PALM2AKAP2: variants seen among roughly 807,000 people sequenced by gnomAD.
PALM2AKAP2 encodes PALM2-AKAP2 fusion protein.
Under a neutral mutation model 71.5 loss-of-function variants are expected in PALM2AKAP2, and 37 were observed. The ratio of observed to expected loss-of-function variants is 0.52; its 90% CI spans 0.40 to 0.68. The LOEUF (loss-of-function observed/expected upper bound fraction) is 0.68, where lower values mean the gene tolerates loss of function less well. Ranked by LOEUF, PALM2AKAP2 falls within the 30% of genes least tolerant of loss-of-function variation. The pLI, the probability that PALM2AKAP2 is intolerant of heterozygous loss-of-function variation, is 0.00. For synonymous variants in PALM2AKAP2, 468 were observed against 478.8 expected, an observed-to-expected ratio of 0.98 and a Z score of 0.29; for missense variants, 1,224 against 1,191.8, an observed-to-expected ratio of 1.03 and a Z score of -0.40.
intron 1 of PALM2AKAP2, among the ~76,000 whole-genome samples, chr9:109,653,171 T>G (rs1272335961): frequency 6.6e-6 from 1 of 152,208 alleles, no homozygotes; most frequent in African/African-American, 2.4e-5. Context: ...GGAGAATGCC[T>G]GCCCCCTTGA....
intron 2 of PALM2AKAP2, among the ~76,000 whole-genome samples, chr9:109,874,964 C>T (rs1027151374): frequency 2.0e-5 from 3 of 152,212 alleles, no homozygotes; most frequent in Non-Finnish European, 4.4e-5. Flanking sequence ...AATAAACTCC[C>T]ATCACTTGTA....
chr9:109,929,863 CAAAAAAAAAAAAAA>C (rs58029417), intron 5 of PALM2AKAP2, among the ~76,000 whole-genome samples: 4 of 69,418 alleles, frequency 5.8e-5, no homozygotes, highest in African/African-American at 1.1e-4. Flanking sequence ...GACTCCATTT[CAAAAAAAAAAAAAA>C]AAAAAAAAAA....
chr9:109,702,650 G>T (rs1312694708), intron 1 of PALM2AKAP2, among the ~76,000 whole-genome samples: 3 of 151,594 alleles, frequency 2.0e-5, no homozygotes, highest in Admixed American at 2.0e-4. Flanking sequence ...GTTAAATGAG[G>T]AGTTAATGGG....
rs180756222 is a variant in PALM2AKAP2, at chr9:109,912,999, T to C, written c.258-10736T>C. ...TCCTTGGCCAGGGATGTGAGCCTTC[T>C]GACCAATAGTTTCACCAAATCTACA... is the stretch of plus-strand genomic sequence containing the variant. On this transcript the variant is annotated intron_variant, in intron 3 of 9. Coordinates refer to the PALM2AKAP2 transcript ENST00000302798. 2.4e-4 allele frequency among the ~76,000 whole-genome samples: 37 copies of C among 152,376 alleles called. 1 individual carries two copies. In the East Asian group the frequency reaches 5.8e-3, roughly 24 times the overall value.
chr9:110,052,069 A>AT (rs532455616), intron 1 of PALM2AKAP2, among the ~76,000 whole-genome samples: 4 of 151,934 alleles, frequency 2.6e-5, no homozygotes, highest in Non-Finnish European at 5.9e-5. Flanking sequence ...CGCCCAGCTA[A>AT]TTTTTTGTAT....
Position 110,125,584 on chromosome 9 carries a change from C to T in PALM2AKAP2, c.157-10543C>T, listed in dbSNP as rs146816355. 3.3e-4 allele frequency: 323 copies of T among 985,392 alleles called. No individual in the cohort carries two copies. In the African/African-American group the frequency reaches 5.2e-3, roughly 16 times the overall value. 61.0% of individuals were successfully genotyped at this position (985,392 alleles called of 1,614,324 possible). On this transcript the variant is annotated intron_variant, in intron 1 of 3. Coordinates refer to ENST00000374525, the Ensembl canonical transcript of PALM2AKAP2. ...TCTCACTGAGGAGGTTTGAGGCGCG[C>T]GCTCTGGGCAGGGTAAGCCAAGTCT...
intron 2 of PALM2AKAP2, among the ~76,000 whole-genome samples, chr9:110,142,713 A>G (rs945755586): frequency 2.0e-5 from 3 of 152,202 alleles, no homozygotes; most frequent in Non-Finnish European, 1.5e-5. Context: ...GAGAGGCTCA[A>G]AAGGAATAGA....
intron 1 of PALM2AKAP2, among the ~76,000 whole-genome samples, chr9:109,761,434 T>C (rs1444540171): frequency 6.6e-6 from 1 of 152,204 alleles, no homozygotes; most frequent in Non-Finnish European, 1.5e-5. Context: ...GGTGTACATG[T>C]GCCATGGTGG....
At chr9:109,816,191 A>G (rs1827846960) in intron 1 of PALM2AKAP2, among the ~76,000 whole-genome samples, 3 of 152,180 alleles carry the variant, frequency 2.0e-5, no homozygotes, top group Non-Finnish European at 4.4e-5. Context: ...CACCTTATGT[A>G]GGTGTTTGAT....
intron 1 of PALM2AKAP2, chr9:109,640,872 T>C (rs766107228): frequency 9.2e-5 from 139 of 1,516,486 alleles, no homozygotes; most frequent in Non-Finnish European, 1.8e-5. Context: ...ATGGAGTGAG[T>C]ATCCCCGAGC....
At chr9:109,678,248 G>A (rs897658543) in intron 1 of PALM2AKAP2, among the ~76,000 whole-genome samples, 1 of 152,184 alleles carries the variant, frequency 6.6e-6, no homozygotes, top group East Asian at 1.9e-4. Flanking sequence ...CAACATGACT[G>A]TCCACATCAC....
chr9:109,928,775 G>A (rs188604441), intron 5 of PALM2AKAP2, among the ~76,000 whole-genome samples: 11 of 151,746 alleles, frequency 7.2e-5, no homozygotes, highest in Non-Finnish European at 1.2e-4. Flanking sequence ...GGGTTCAAGC[G>A]ATTCTCCTGT....
At chr9:109,826,081 G>C (rs1828141451) in intron 1 of PALM2AKAP2, among the ~76,000 whole-genome samples, 1 of 152,130 alleles carries the variant, frequency 6.6e-6, no homozygotes, top group African/African-American at 2.4e-5. Flanking sequence ...GGATGAAGCT[G>C]GAAGCCATCA....
At chr9:109,953,485 C>A (rs1831681205) in intron 6 of PALM2AKAP2, among the ~76,000 whole-genome samples, 2 of 152,126 alleles carry the variant, frequency 1.3e-5, no homozygotes, top group Non-Finnish European at 2.9e-5. Flanking sequence ...CAAGTTCCAA[C>A]CTCAGTTGTC....
chr9:109,830,414 A>C (rs1311224509), intron 1 of PALM2AKAP2, among the ~76,000 whole-genome samples: 1 of 152,176 alleles, frequency 6.6e-6, no homozygotes, highest in Non-Finnish European at 1.5e-5. Context: ...TCATCAAACC[A>C]GGGGCTGGTG....
intron 1 of PALM2AKAP2, among the ~76,000 whole-genome samples, chr9:109,671,638 A>G (rs534453086): frequency 3.3e-5 from 5 of 152,238 alleles, no homozygotes; most frequent in African/African-American, 9.6e-5. Context: ...GAGAATATCA[A>G]TGATAGTTTA....
chr9:110,166,186 A>G (rs1307879608), intron 3 of PALM2AKAP2, among the ~76,000 whole-genome samples: 4 of 152,206 alleles, frequency 2.6e-5, no homozygotes, highest in Non-Finnish European at 5.9e-5. Flanking sequence ...ACTATACTTT[A>G]CATACATTGC....
chr9:109,822,953 C>CAT, intron 1 of PALM2AKAP2, among the ~76,000 whole-genome samples: 1 of 152,326 alleles, frequency 6.6e-6, no homozygotes. Flanking sequence ...AACTGCTTGC[C>CAT]ATAGTCCGCC....
intron 2 of PALM2AKAP2, 34 bp from the exon 9 acceptor site, chr9:110,156,284 AG>A: frequency 6.6e-7 from 1 of 1,506,166 alleles, no homozygotes; most frequent in Non-Finnish European, 8.9e-7. Flanking sequence ...TGAGCAGACA[AG>A]CTTAGAAAGG....
Sources: gnomAD v4.1 joint callset for allele counts (sites outside exome capture counted in the v4.1 genomes callset) on GRCh38, gnomAD v4.1.1 for gene constraint, MANE v1.5 for transcripts, NCBI Gene and HGNC (gene_info 2026-07-23, HGNC 2026-07-21) for gene names.